Variants in ABCB10 observed in about 807,000 individuals in gnomAD.
ABCB10 encodes ATP binding cassette subfamily B member 10.
Under a neutral mutation model 65.4 loss-of-function variants are expected in ABCB10, and 54 were observed. The observed-to-expected ratio is 0.83, with a 90% CI of 0.66 to 1.04. The LOEUF (loss-of-function observed/expected upper bound fraction) is 1.04, where lower values mean the gene tolerates loss of function less well. ABCB10 is among the 50% of genes least tolerant of loss of function. The pLI is 0.00. For missense variants in ABCB10, 846 were observed against 976.6 expected, an observed-to-expected ratio of 0.87 and a Z score of 1.78; for synonymous variants, 418 against 406.5, an observed-to-expected ratio of 1.03 and a Z score of -0.34.
At chr1:229,523,013 T>G (rs996804127) in intron 10 of ABCB10, among the ~76,000 whole-genome samples, 6 of 152,202 alleles carry the variant, frequency 3.9e-5, no homozygotes, top group African/African-American at 1.4e-4. Context: ...CATGCCCGGC[T>G]AACATAGCAC....
chr1:229,542,137 T>G (rs557755199), intron 4 of ABCB10, 100 bp downstream of exon 4: 1 of 1,420,016 alleles, frequency 7.0e-7, no homozygotes, highest in East Asian at 2.4e-5. Context: ...GGCAGGCACT[T>G]CATTGAAAAA....
intron 12 of ABCB10, among the ~76,000 whole-genome samples, 180 bp from the exon 13 acceptor site, chr1:229,518,590 A>G (rs1227518892): frequency 2.0e-5 from 3 of 152,224 alleles, no homozygotes; most frequent in African/African-American, 7.2e-5. Context: ...CATTCTGCAC[A>G]GTTACAGCTT....
At position 229,558,644 on chromosome 1, in the gene ABCB10, G is replaced by A. The variant is rs1193093473; in HGVS notation, c.9C>T (p.Gly3=). ...GCAGCCGCAGCGGCCAGGCAGGGGGGCCTCGCATGGCGCTGCGTGCGACCC... is the reference window on the plus strand; with the variant it reads ...GCAGCCGCAGCGGCCAGGCAGGGGGACCTCGCATGGCGCTGCGTGCGACCC... MR[G]PPAWPLRLLE... Residue 3 remains glycine (G), a synonymous_variant, in exon 1 of 13, where the codon GGC becomes GGT. Coordinates refer to ENST00000344517, the MANE Select transcript of ABCB10 (RefSeq NM_012089.3). 57 of 1,360,352 alleles carry A rather than the reference G, an allele frequency of 4.2e-5. No homozygotes were observed. The highest frequency in any genetic ancestry group is 5.2e-5 in the Non-Finnish European group (55 of 1,058,702). The allele number at this position is 1,360,352 out of a possible 1,614,324, so 84.3% of individuals were successfully genotyped here.
intron 1 of ABCB10, 98 bp from the exon 2 acceptor site, chr1:229,549,532 A>G (rs1317439979): frequency 6.9e-6 from 8 of 1,162,896 alleles, no homozygotes; most frequent in Non-Finnish European, 9.9e-6. Flanking sequence ...CTGTTGTCAG[A>G]GTATGCGTTG....
At chr1:229,521,741 G>T in intron 10 of ABCB10, 106 bp from the exon 11 acceptor site, 3 of 1,162,344 alleles carry the variant, frequency 2.6e-6, no homozygotes, top group Non-Finnish European at 3.8e-6. Context: ...CTTCTAGTTA[G>T]TCATAGCTGA....
rs1051056488 is a variant in ABCB10, at chr1:229,558,217, G to A, written c.436C>T (p.Arg146Trp). 5.0e-6 allele frequency: 7 copies of A among 1,395,436 alleles called. No individual in the cohort carries two copies. The highest frequency in any genetic ancestry group is 4.5e-5 in the African/African-American group (3 of 66,232). 86.4% of individuals were successfully genotyped at this position (1,395,436 alleles called of 1,614,324 possible). ...GPAAPPGDKG[R>W]LRPAAAGLPE... is the part of the protein sequence containing the mutation. ...AGTCCGGCCGCTGCGGGGCGCAGCCGCCCCTTGTCCCCGGGAGGCGCCGCC... is the reference window on the plus strand; with the variant it reads ...AGTCCGGCCGCTGCGGGGCGCAGCCACCCCTTGTCCCCGGGAGGCGCCGCC... The change falls in exon 1 of 13, where the codon CGG (arginine) becomes TGG (tryptophan). Residue 146 changes from arginine (R) to tryptophan (W), a missense_variant. Arg to Trp is a moderately radical substitution (Grantham distance 101). Transcript: ENST00000344517.
intron 10 of ABCB10, 55 bp downstream of exon 10, chr1:229,525,879 CAT>C: frequency 2.6e-6 from 4 of 1,530,368 alleles, no homozygotes; most frequent in Admixed American, 2.1e-5. Context: ...AAACAAGAAA[CAT>C]GTGAAAAGTT....
At chr1:229,542,459 G>A (rs2102700994) in intron 3 of ABCB10, 88 bp from the exon 4 acceptor site, 2 of 1,471,638 alleles carry the variant, frequency 1.4e-6, no homozygotes, top group South Asian at 2.6e-5. Context: ...GTGTGTGTGT[G>A]GGTGTGTCTG....
At chr1:229,530,820 T>C (rs1662567285) in intron 7 of ABCB10, among the ~76,000 whole-genome samples, 1 of 151,230 alleles carries the variant, frequency 6.6e-6, no homozygotes, top group Admixed American at 6.6e-5. Flanking sequence ...CCAGAGTTTA[T>C]CTTACCTACC....
intron 7 of ABCB10, among the ~76,000 whole-genome samples, chr1:229,530,621 T>C (rs1054058233): frequency 1.7e-4 from 26 of 152,294 alleles, no homozygotes; most frequent in African/African-American, 5.3e-4. Context: ...ACTATATACG[T>C]AGACGGTCTT....
At chr1:229,519,694 C>T (rs1214071570) in intron 11 of ABCB10, among the ~76,000 whole-genome samples, 1 of 152,222 alleles carries the variant, frequency 6.6e-6, no homozygotes, top group Non-Finnish European at 1.5e-5. Flanking sequence ...GATGCTGAGG[C>T]AGGAGAATCG....
rs533975212 is a variant in ABCB10 at position 229,535,504 on chromosome 1, A to G, written c.1340-3773T>C. ...CTACATACTGCAAGATTACAAATAT[A>G]TGACATTCTAGAAAAGGCATAACCA... On this transcript the variant is annotated intron_variant, in intron 6 of 12. Coordinates refer to ENST00000344517, the MANE Select transcript of ABCB10 (RefSeq NM_012089.3). 6.6e-5 allele frequency among the ~76,000 whole-genome samples: 10 copies of G among 152,324 alleles called. No homozygotes were observed. The East Asian group carries it at 1.9e-3, about 29-fold the overall frequency.
Position 229,558,185 on chromosome 1 carries a change from CTCCGGGAG to C in ABCB10, c.460_467del (p.Leu154GlyfsTer11). 1.4e-6 allele frequency: 2 copies of C among 1,431,458 alleles called. No homozygotes were observed. Among genetic ancestry groups the C allele is most frequent in the South Asian group, 1.4e-5 (1 of 73,012 alleles). The allele number at this position is 1,431,458 out of a possible 1,614,324, so 88.7% of individuals were successfully genotyped here. A position where few individuals can be genotyped will look rare whatever the true frequency, so the allele number is the denominator to read the frequency against. ...ACGCCAGCCCCAGGAGCTTCCGGGC[CTCCGGGAG>C]TCCGGCCGCTGCGGGGCGCAGCCGC... On this transcript the variant is annotated frameshift_variant, in exon 1 of 13. Transcript: ENST00000344517. LOFTEE classifies it high-confidence loss of function.
rs12066680 is a variant in ABCB10, at chr1:229,549,089, T to C, written c.718+145A>G. Reference sequence around the variant, plus strand: ...TGTAACTCCAACATCTGGGCAGTCATTGGACTCTATCCCCACTTAATGGGA... The same window carrying C: ...TGTAACTCCAACATCTGGGCAGTCACTGGACTCTATCCCCACTTAATGGGA... On this transcript the variant is annotated intron_variant, in intron 2 of 12. Coordinates refer to ENST00000344517, the MANE Select transcript of ABCB10 (RefSeq NM_012089.3). The C allele has an allele frequency of 5.5e-4, 428 of 781,984 alleles. 3 individuals carry two copies. In the African/African-American group the frequency reaches 5.8e-3, roughly 11 times the overall value. The allele number at this position is 781,984 out of a possible 1,614,324, so 48.4% of individuals were successfully genotyped here. A position where few individuals can be genotyped will look rare whatever the true frequency, so the allele number is the denominator to read the frequency against.
chr1:229,519,859 C>T (rs762268105), intron 11 of ABCB10, among the ~76,000 whole-genome samples: 3 of 151,900 alleles, frequency 2.0e-5, no homozygotes, highest in Non-Finnish European at 4.4e-5. Flanking sequence ...AGTACGGTGG[C>T]TCACACCTGT....
At chr1:229,548,825 G>C (rs1442504581) in intron 2 of ABCB10, among the ~76,000 whole-genome samples, 1 of 151,934 alleles carries the variant, frequency 6.6e-6, no homozygotes, top group African/African-American at 2.4e-5. Flanking sequence ...ACCACGCCCG[G>C]GTAATTTTTG....
At chr1:229,553,101 G>T (rs986606138) in intron 1 of ABCB10, among the ~76,000 whole-genome samples, 23 of 152,084 alleles carry the variant, frequency 1.5e-4, no homozygotes, top group African/African-American at 5.6e-4. Context: ...CTTTACACTG[G>T]GGAATGATCC....
At chr1:229,524,451 C>T (rs1662385502) in intron 10 of ABCB10, among the ~76,000 whole-genome samples, 1 of 152,056 alleles carries the variant, frequency 6.6e-6, no homozygotes, top group Non-Finnish European at 1.5e-5. Context: ...GCATGAGCCA[C>T]CATGCCCGGC....
chr1:229,542,211 C>G (rs754809868), intron 4 of ABCB10, 26 bp downstream of exon 4: 2 of 1,611,028 alleles, frequency 1.2e-6, no homozygotes, highest in South Asian at 1.1e-5. Flanking sequence ...CTGCTGGAAA[C>G]CACGCGGACA....
Sources: allele counts gnomAD v4.1 joint callset (sites outside exome capture counted in the v4.1 genomes callset), GRCh38; gene constraint gnomAD v4.1.1; transcripts MANE v1.5; gene names NCBI Gene and HGNC (gene_info 2026-07-23, HGNC 2026-07-21).